TRPM4: variants seen among roughly 807,000 people sequenced by gnomAD.
The protein encoded by TRPM4 is calcium-activated non-selective cation channel 1.
A neutral mutation model predicts 135.6 loss-of-function variants in TRPM4; 124 were observed. That is an observed-to-expected ratio of 0.91 (90% CI 0.79 to 1.06). The LOEUF (loss-of-function observed/expected upper bound fraction) is 1.06, where lower values mean the gene tolerates loss of function less well. TRPM4 is among the 50% of genes least tolerant of loss of function. The pLI, the probability that TRPM4 is intolerant of heterozygous loss-of-function variation, is 0.00. For synonymous variants in TRPM4, 745 were observed against 705.6 expected (o/e 1.06, Z -0.88); for missense variants, 1,658 against 1,671.4 (o/e 0.99, Z 0.14).
chr19:49,186,704 T>A (rs905681973), intron 12 of TRPM4, among the ~76,000 whole-genome samples: 3 of 151,934 alleles, frequency 2.0e-5, no homozygotes, highest in Admixed American at 1.3e-4. Flanking sequence ...AAACCCTATC[T>A]CTACTAAAAG....
At chr19:49,193,150 G>C (rs1442415964) in intron 16 of TRPM4, among the ~76,000 whole-genome samples, 1 of 146,714 alleles carries the variant, frequency 6.8e-6, no homozygotes, top group African/African-American at 2.5e-5. Context: ...GCATGATCTC[G>C]GCTCACTGCA....
intron 10 of TRPM4, among the ~76,000 whole-genome samples, chr19:49,182,106 A>ATCTG (rs1568470321): frequency 1.9e-3 from 250 of 129,292 alleles, no homozygotes; most frequent in South Asian, 3.9e-3. Flanking sequence ...CCATCCATCC[A>ATCTG]TCCATCCATC....
intron 2 of TRPM4, among the ~76,000 whole-genome samples, chr19:49,162,079 C>T (rs1470557497): frequency 6.6e-6 from 1 of 152,078 alleles, no homozygotes; most frequent in Non-Finnish European, 1.5e-5. Flanking sequence ...ATGAAGCAGC[C>T]GGGGCGGGGA....
chr19:49,172,691 C>G (rs189458555), intron 9 of TRPM4, among the ~76,000 whole-genome samples: 1 of 151,570 alleles, frequency 6.6e-6, no homozygotes. Flanking sequence ...ATTCCATCCA[C>G]TCATTCCTCC....
intron 14 of TRPM4, 149 bp downstream of exon 14, chr19:49,189,240 A>G (rs570774932): frequency 2.8e-4 from 343 of 1,237,726 alleles, no homozygotes; most frequent in Non-Finnish European, 3.7e-4. Flanking sequence ...TCTCTCAGAA[A>G]GGCTGCTCTT....
At position 49,196,758 on chromosome 19, in the gene TRPM4, G is replaced by C. The variant is rs754769591; in HGVS notation, c.2529G>C (p.Gly843=). 2 of 1,550,212 alleles carry C rather than the reference G, an allele frequency of 1.3e-6. No individual in the cohort carries two copies. Among genetic ancestry groups the C allele is most frequent in the Non-Finnish European group, 1.7e-6 (2 of 1,154,688 alleles). Residue 843 remains glycine, a synonymous_variant, in exon 17 of 25, where the codon GGG becomes GGC. Coordinates refer to ENST00000252826, the MANE Select transcript of TRPM4 (RefSeq NM_017636.4). The stretch of plus-strand genomic sequence containing the variant: ...GAGGCGGGGGCAGCCTCGCCAGCGG[G>C]GGCCCCGGGCCTGGCCATGCCTCAC... The part of the protein sequence containing the change: ...LSGGGGSLAS[G]GPGPGHASLS...
At chr19:49,165,494 T>C (rs988768860) in intron 2 of TRPM4, among the ~76,000 whole-genome samples, 1 of 152,128 alleles carries the variant, frequency 6.6e-6, no homozygotes, top group African/African-American at 2.4e-5. Flanking sequence ...CTGGGACTGG[T>C]ATGCGAGCCT....
rs1568488560 is a variant in TRPM4, at chr19:49,200,387, GGTCAACAAACA to G, written c.2735_2745del (p.Val912AlafsTer43). On this transcript the variant is annotated frameshift_variant, in exon 18 of 25. Coordinates refer to ENST00000252826, the MANE Select transcript of TRPM4 (RefSeq NM_017636.4). LOFTEE classifies it high-confidence loss of function. ...CGGTGCGGCTGCTTCACATCTTCAC[GGTCAACAAACA>G]GCTGGGGCCCAAGATCGTCATCGTG... The G allele has an allele frequency of 6.2e-7, 1 of 1,613,752 alleles. No homozygotes were observed. Among genetic ancestry groups the G allele is most frequent in the African/African-American group, 1.3e-5 (1 of 74,812 alleles).
At chr19:49,198,634 G>A (rs1968788108) in intron 17 of TRPM4, among the ~76,000 whole-genome samples, 1 of 100,638 alleles carries the variant, frequency 9.9e-6, no homozygotes, top group African/African-American at 4.0e-5. Context: ...GGTGAAAAGA[G>A]CAAAACTCTG....
chr19:49,205,003 T>C (rs949408679), intron 20 of TRPM4, among the ~76,000 whole-genome samples: 29 of 146,418 alleles, frequency 2.0e-4, no homozygotes, highest in African/African-American at 6.6e-4. Flanking sequence ...TTTTTTTTTT[T>C]CAGAGATGGG....
chr19:49,191,416 G>A (rs1224364504), intron 16 of TRPM4, among the ~76,000 whole-genome samples: 1 of 152,028 alleles, frequency 6.6e-6, no homozygotes, highest in Non-Finnish European at 1.5e-5. Flanking sequence ...ATGTTGGCCA[G>A]GCTGGTGTCA....
At position 49,157,812 on chromosome 19, in the gene TRPM4, G is replaced by T. The variant is rs1190969942; in HGVS notation, c.-55G>T. 2 of 1,533,230 alleles carry T rather than the reference G, an allele frequency of 1.3e-6. No individual in the cohort carries two copies. 95.0% of individuals were successfully genotyped at this position (1,533,230 alleles called of 1,614,324 possible). A position where few individuals can be genotyped will look rare whatever the true frequency, so the allele number is the denominator to read the frequency against. On this transcript the variant is annotated 5_prime_UTR_variant, in exon 1 of 25. Transcript: ENST00000252826. ...TCTGGGCGGGTCTGGAAGCAGAGCC[G>T]GCGGAGGGAGCGCCGGGGCCCTGGG...
intron 2 of TRPM4, among the ~76,000 whole-genome samples, chr19:49,160,606 C>T (rs1681862267): frequency 1.3e-5 from 2 of 152,080 alleles, no homozygotes; most frequent in African/African-American, 2.4e-5. Context: ...GCAGGGAGCA[C>T]TGTCATGAGA....
chr19:49,188,945 G>A lies in TRPM4; in HGVS notation c.1874-1G>A, dbSNP rs1968304811. 6.2e-7 allele frequency: 1 copy of A among 1,613,982 alleles called. No homozygotes were observed. Among genetic ancestry groups the A allele is most frequent in the Non-Finnish European group, 8.5e-7 (1 of 1,180,040 alleles). ...TCACATAACTAACTCCTCTGCCCCA[G>A]ACCTCTTTGGCGAGTGCTATCGCAG... On this transcript the variant is annotated splice_acceptor_variant, in intron 13 of 24. Transcript: ENST00000252826. LOFTEE classifies it high-confidence loss of function.
At chr19:49,165,916 C>T in intron 2 of TRPM4, 125 bp from the exon 3 acceptor site, 1 of 1,006,846 alleles carries the variant, frequency 9.9e-7, no homozygotes, top group Non-Finnish European at 1.5e-6. Flanking sequence ...GCAGCGTGGA[C>T]TCTGCCTGCC....
In TRPM4 at chr19:49,201,986, C is replaced by A. The variant is rs1196091318; in HGVS notation, c.2976C>A (p.Asn992Lys). Residue 992 changes from asparagine to lysine, a missense_variant, in exon 20 of 25, where the codon AAC (asparagine) becomes AAA (lysine). By Grantham distance (94) the Asn-to-Lys change is moderately conservative (BLOSUM62 0). Around this residue, in one of 3 missense-constraint regions of TRPM4, gnomAD observed 1,412 missense variants for 1,408.7 expected, o/e 1.00. Coordinates refer to ENST00000252826, the MANE Select transcript of TRPM4 (RefSeq NM_017636.4). ...CAGTGGCCCTCATGGAGCACAGCAA[C>A]TGCTCGTCGGAGCCCGGCTTCTGGG... Reference protein sequence around the residue: ...DMDVALMEHSNCSSEPGFWAH... With the variant: ...DMDVALMEHSKCSSEPGFWAH... 2.5e-6 allele frequency: 4 copies of A among 1,613,686 alleles called. No individual in the cohort carries two copies. The highest frequency in any genetic ancestry group is 8.5e-7 in the Non-Finnish European group (1 of 1,180,048).
intron 17 of TRPM4, among the ~76,000 whole-genome samples, chr19:49,198,894 C>T (rs1968803752): frequency 6.6e-6 from 1 of 151,952 alleles, no homozygotes; most frequent in East Asian, 1.9e-4. Context: ...CTACTATGCT[C>T]AGCCTTCTGT....
At chr19:49,176,015 C>T (rs545818565) in intron 9 of TRPM4, among the ~76,000 whole-genome samples, 1 of 151,344 alleles carries the variant, frequency 6.6e-6, no homozygotes, top group Admixed American at 6.6e-5. Context: ...CCTCCTCCTC[C>T]CAGGTTTAAG....
At chr19:49,200,879 T>C (rs1204465120) in intron 19 of TRPM4, 94 bp downstream of exon 19, 3 of 1,341,042 alleles carry the variant, frequency 2.2e-6, no homozygotes, top group African/African-American at 2.9e-5. Flanking sequence ...TATCTGTCTC[T>C]CTGAGTCTCT....
Sources: gnomAD v4.1 joint callset for allele counts (sites outside exome capture counted in the v4.1 genomes callset) on GRCh38, gnomAD v4.1.1 for gene constraint, gnomAD v4.1.1 regional missense constraint, MANE v1.5 for transcripts, NCBI Gene and HGNC (gene_info 2026-07-23, HGNC 2026-07-21) for gene names.